Variants in PPP4R3B observed in about 807,000 individuals in gnomAD.
PPP4R3B encodes protein phosphatase 4 regulatory subunit 3B, also known as serine/threonine-protein phosphatase 4 regulatory subunit 3B.
In PPP4R3B, 52 loss-of-function variants were observed where a neutral mutation model predicts 95.4. The observed-to-expected ratio is 0.54, with a 90% CI of 0.44 to 0.69. PPP4R3B has a LOEUF of 0.69. PPP4R3B is among the 30% of genes least tolerant of loss of function. The probability of loss-of-function intolerance (pLI) is 0.00; values close to 1 mark genes in which losing one functional copy is unlikely to be tolerated. For synonymous variants in PPP4R3B, 407 were observed against 343.9 expected, an observed-to-expected ratio of 1.18 and a Z score of -2.03; for missense variants, 1,003 against 1,005.9, an observed-to-expected ratio of 1.00 and a Z score of 0.04.
rs755021334 is a variant in PPP4R3B at position 55,548,670 on chromosome 2, G to C, written c.*1241C>G. 4 of 152,510 alleles carry C rather than the reference G, an allele frequency of 2.6e-5. No homozygotes were observed. Among genetic ancestry groups the C allele is most frequent in the Non-Finnish European group, 4.4e-5 (3 of 68,018 alleles). The allele number at this position is 152,510 out of a possible 1,614,324, so 9.4% of individuals were successfully genotyped here. ...TTACAAGGGTGATCTAAAGATTGTG[G>C]CTGGAATTACTGTTAAAGTTTTTTT... On this transcript the variant is annotated 3_prime_UTR_variant, in exon 17 of 17. Coordinates refer to ENST00000616407, the MANE Select transcript of PPP4R3B (RefSeq NM_001122964.3).
At chr2:55,610,739 G>A (rs2103860587) in intron 2 of PPP4R3B, among the ~76,000 whole-genome samples, 1 of 152,206 alleles carries the variant, frequency 6.6e-6, no homozygotes, top group African/African-American at 2.4e-5. Context: ...ACTGTTATAA[G>A]CTATCTTATT....
intron 12 of PPP4R3B, among the ~76,000 whole-genome samples, 153 bp from the exon 13 acceptor site, chr2:55,568,516 AGTAAAACTGTCTG>A (rs1687587327): frequency 6.6e-6 from 1 of 152,212 alleles, no homozygotes; most frequent in Non-Finnish European, 1.5e-5. Context: ...TAAAATGAAA[AGTAAAACTGTCTG>A]GTAAAACTGG....
Position 55,564,381 on chromosome 2 carries a change from G to A in PPP4R3B, c.2192C>T (p.Pro731Leu). 2 of 1,613,670 alleles carry A rather than the reference G, an allele frequency of 1.2e-6. No individual in the cohort carries two copies. The highest frequency in any genetic ancestry group is 1.7e-6 in the Non-Finnish European group (2 of 1,179,830). ...EEEEGKAVVA[P>L]VEKPKPEDDF... ...ATCTTCTGGCTTAGGTTTTTCCACT[G>A]GTGCCACAACTGCTTTTCCTTCCTC... Residue 731 changes from proline to leucine, a missense_variant, in exon 15 of 17, where the codon CCA becomes CTA. Pro to Leu is a moderately conservative substitution (Grantham distance 98). Coordinates refer to ENST00000616407, the MANE Select transcript of PPP4R3B (RefSeq NM_001122964.3).
chr2:55,565,021 A>G lies in PPP4R3B; in HGVS notation c.1956T>C (p.Thr652=). 2 of 1,596,048 alleles carry G rather than the reference A, an allele frequency of 1.3e-6. No homozygotes were observed. The highest frequency in any genetic ancestry group is 1.3e-5 in the African/African-American group (1 of 74,096). ...FIRVEDIKSL[T]AHIVENFYKA... ...TATAAAAGTTTTCAACTATATGGGC[A>G]GTAAGAGACTTGATATCTTCCTGTA... Residue 652 remains threonine, a synonymous_variant, in exon 14 of 17, where the codon ACT becomes ACC. Coordinates refer to ENST00000616407, the MANE Select transcript of PPP4R3B (RefSeq NM_001122964.3).
chr2:55,601,206 T>C (rs964499046), intron 3 of PPP4R3B, among the ~76,000 whole-genome samples: 3 of 150,602 alleles, frequency 2.0e-5, no homozygotes. Flanking sequence ...GATGACATTG[T>C]CTCTTAGCTC....
chr2:55,583,290 G>C (rs1238093316), intron 7 of PPP4R3B, among the ~76,000 whole-genome samples: 1 of 151,580 alleles, frequency 6.6e-6, no homozygotes, highest in Non-Finnish European at 1.5e-5. Context: ...ATTATTTTGA[G>C]GCAACACAGT....
chr2:55,570,444 A>G (rs1329637588), intron 12 of PPP4R3B, among the ~76,000 whole-genome samples: 1 of 152,204 alleles, frequency 6.6e-6, no homozygotes, highest in Non-Finnish European at 1.5e-5. Context: ...ACTGAAAAGA[A>G]ATCTCCTTTT....
At chr2:55,588,453 T>C (rs6736785) in intron 5 of PPP4R3B, among the ~76,000 whole-genome samples, 37 of 145,794 alleles carry the variant, frequency 2.5e-4, no homozygotes, top group African/African-American at 8.6e-4. Context: ...GCAGAGGTTG[T>C]GGTGAGCCGA....
At chr2:55,597,172 C>G (rs772244031) in intron 4 of PPP4R3B, among the ~76,000 whole-genome samples, 3 of 151,978 alleles carry the variant, frequency 2.0e-5, no homozygotes, top group Non-Finnish European at 4.4e-5. Flanking sequence ...TACTTAATGC[C>G]AATGAATTGT....
chr2:55,556,906 T>C lies in PPP4R3B; in HGVS notation c.2454+1869A>G, dbSNP rs548541338. On this transcript the variant is annotated intron_variant, in intron 16 of 16. Transcript: ENST00000616407. ...GGCAAAAACCCATCTCTACCAAAAA[T>C]AGAAAAATTAGCCAGGCATAGTGGC... Among the ~76,000 whole-genome samples the C allele has an allele frequency of 6.6e-5, 10 of 151,884 alleles. 1 individual carries two copies. The highest frequency in any genetic ancestry group is 1.9e-4 in the African/African-American group (8 of 41,434).
In PPP4R3B at chr2:55,578,250, G is replaced by A. The variant is rs1267454805; in HGVS notation, c.1561C>T (p.Gln521Ter). The change falls in exon 10 of 17, where the codon CAA becomes TAA. Residue 521 changes from glutamine to a stop codon, truncating the protein, a stop_gained. Transcript: ENST00000616407. LOFTEE classifies it high-confidence loss of function. ...SHSTPSSSIS[Q>*]DNIVGSNKNN... ...ATACACTCCAAATTCAGCATACCTTGAGAGATGGAGGAAGAGGGGGTAGAA... is the reference window on the plus strand; with the variant it reads ...ATACACTCCAAATTCAGCATACCTTAAGAGATGGAGGAAGAGGGGGTAGAA... The A allele has an allele frequency of 4.1e-6, 6 of 1,455,732 alleles. No individual in the cohort carries two copies. Among genetic ancestry groups the A allele is most frequent in the Non-Finnish European group, 5.5e-6 (6 of 1,100,246 alleles). 90.2% of individuals were successfully genotyped at this position (1,455,732 alleles called of 1,614,324 possible).
chr2:55,573,551 A>G, intron 12 of PPP4R3B, 68 bp downstream of exon 12: 1 of 1,372,158 alleles, frequency 7.3e-7, no homozygotes, highest in Non-Finnish European at 9.8e-7. Context: ...CTAATAAATA[A>G]CTTCAAATGG....
intron 16 of PPP4R3B, among the ~76,000 whole-genome samples, chr2:55,558,222 TCCAAGAAAATAATTTAAAATGCAGTAA>T (rs1333397816): frequency 2.0e-5 from 3 of 152,110 alleles, no homozygotes; most frequent in Non-Finnish European, 2.9e-5. Flanking sequence ...TACTAAACTA[TCCAAGAAAATAATTTAAAATGCAGTAA>T]CACTAAGTAG....
At chr2:55,553,870 A>C (rs919008052) in intron 16 of PPP4R3B, among the ~76,000 whole-genome samples, 2 of 152,174 alleles carry the variant, frequency 1.3e-5, no homozygotes, top group African/African-American at 4.8e-5. Flanking sequence ...CATTTGGGTT[A>C]TTCTTACTTT....
chr2:55,579,430 C>T (rs886913255), intron 9 of PPP4R3B, among the ~76,000 whole-genome samples: 2 of 151,594 alleles, frequency 1.3e-5, no homozygotes, highest in Non-Finnish European at 2.9e-5. Flanking sequence ...CAGTGGTCTA[C>T]ACGTTCAGAG....
chr2:55,549,856 A>G lies in PPP4R3B; in HGVS notation c.*55T>C. On this transcript the variant is annotated 3_prime_UTR_variant, in exon 17 of 17. Transcript: ENST00000616407. ...GCTTTCTGATTCAGATTTTCAGCTC[A>G]CTGAACAGTTGCAGCATTGTAAGAC... 8.5e-6 allele frequency: 11 copies of G among 1,294,830 alleles called. No individual in the cohort carries two copies. The highest frequency in any genetic ancestry group is 1.2e-5 in the Non-Finnish European group (11 of 890,448). The allele number at this position is 1,294,830 out of a possible 1,614,324, so 80.2% of individuals were successfully genotyped here.
chr2:55,563,713 G>A (rs1281046372), intron 15 of PPP4R3B, among the ~76,000 whole-genome samples: 1 of 152,080 alleles, frequency 6.6e-6, no homozygotes, highest in Non-Finnish European at 1.5e-5. Flanking sequence ...GATATACTCA[G>A]GGCAGTATTC....
rs746586768 is a variant in PPP4R3B at position 55,579,794 on chromosome 2, AT to A, written c.1366-14del. 1.3e-6 allele frequency: 2 copies of A among 1,512,534 alleles called. No individual in the cohort carries two copies. The highest frequency in any genetic ancestry group is 1.8e-6 in the Non-Finnish European group (2 of 1,098,330). The allele number at this position is 1,512,534 out of a possible 1,614,324, so 93.7% of individuals were successfully genotyped here. A position where few individuals can be genotyped will look rare whatever the true frequency, so the allele number is the denominator to read the frequency against. ...TTTTTTCGGTTTTCTGAAACATAGA[AT>A]TTTTTAAACAATACTGTTACTTATG... On this transcript the variant is annotated splice_polypyrimidine_tract_variant and intron_variant, in intron 8 of 16. Transcript: ENST00000616407.
At chr2:55,612,711 G>A (rs577842493) in intron 2 of PPP4R3B, among the ~76,000 whole-genome samples, 29 of 152,204 alleles carry the variant, frequency 1.9e-4, no homozygotes, top group Admixed American at 4.6e-4. Context: ...TTGGGGGGCC[G>A]AGGCGGGCGG....
Sources: gnomAD v4.1 joint callset for allele counts (sites outside exome capture counted in the v4.1 genomes callset) on GRCh38, gnomAD v4.1.1 for gene constraint, MANE v1.5 for transcripts, NCBI Gene and HGNC (gene_info 2026-07-23, HGNC 2026-07-21) for gene names.